CHD1: variants seen among roughly 807,000 people sequenced by gnomAD.
The protein encoded by CHD1 is ATP-dependent chromatin remodeler CHD1.
In CHD1, 36 loss-of-function variants were observed where a neutral mutation model predicts 224.2. The observed-to-expected ratio is 0.16, with a 90% CI of 0.12 to 0.21. The LOEUF (loss-of-function observed/expected upper bound fraction) is 0.21, where lower values mean the gene tolerates loss of function less well. Among genes scored for constraint, CHD1 ranks in the 10% least tolerant of loss-of-function variants. The pLI is 1.00. For missense variants in CHD1, 1,378 were observed against 1,994.8 expected (o/e 0.69, Z 5.89); for synonymous variants, 668 against 658.3 (o/e 1.01, Z -0.23).
At chr5:98,879,260 A>C (rs1399053897) in intron 23 of CHD1, among the ~76,000 whole-genome samples, 4 of 152,166 alleles carry the variant, frequency 2.6e-5, no homozygotes, top group African/African-American at 9.7e-5. Context: ...GAAAAGAAAG[A>C]AAACAGCAAA....
Position 98,872,174 on chromosome 5 carries a change from T to G in CHD1, c.3738A>C (p.Ala1246=), listed in dbSNP as rs1163184255. 3 of 1,613,812 alleles carry G rather than the reference T, an allele frequency of 1.9e-6. No homozygotes were observed. In the South Asian group the frequency reaches 3.3e-5, roughly 18 times the overall value. Residue 1246 remains alanine (A), a synonymous_variant, in exon 28 of 36, where the codon GCA becomes GCC. Coordinates refer to ENST00000614616, the MANE Select transcript of CHD1 (RefSeq NM_001270.4). ...KQYTIPCHTK[A]AHFDIDWGKE... is the part of the protein sequence containing the mutation. ...TGCCCCAGTCTATATCAAAATGAGC[T>G]GCCTTTGTGTGGCATGGGATAGTAT...
intron 23 of CHD1, among the ~76,000 whole-genome samples, chr5:98,877,500 A>C (rs1028875731): frequency 2.6e-5 from 4 of 152,198 alleles, no homozygotes; most frequent in Non-Finnish European, 4.4e-5. Context: ...TATTTGAAAG[A>C]AAAAAATGCC....
chr5:98,901,089 A>C lies in CHD1; in HGVS notation c.588-7T>G, dbSNP rs781236537. ...TCCATTTTTTGACTTAGATCTAGGA[A>C]AGTGCAAAGAGAAAAAAAAACAAGA... On this transcript the variant is annotated splice_region_variant and splice_polypyrimidine_tract_variant and intron_variant, in intron 6 of 35. Transcript: ENST00000614616. 1 of 1,576,512 alleles carries C rather than the reference A, an allele frequency of 6.3e-7. No individual in the cohort carries two copies. Among genetic ancestry groups the C allele is most frequent in the Admixed American group, 2.0e-5 (1 of 50,710 alleles).
intron 14 of CHD1, among the ~76,000 whole-genome samples, chr5:98,892,955 A>G (rs796543148): frequency 2.0e-5 from 3 of 152,276 alleles, no homozygotes; most frequent in African/African-American, 7.2e-5. Context: ...ATTTTGAAGT[A>G]TGGGAGTAAT....
Position 98,862,089 on chromosome 5 carries a change from G to A in CHD1, c.4427+1319C>T, listed in dbSNP as rs534481451. On this transcript the variant is annotated intron_variant, in intron 32 of 35. Coordinates refer to ENST00000614616, the MANE Select transcript of CHD1 (RefSeq NM_001270.4). ...GAAGGATAGCTTGAGCCCAGGAGGC[G>A]GAGGATGCAGCGAGCTGAGATTCGC... 1.2e-4 allele frequency among the ~76,000 whole-genome samples: 19 copies of A among 152,196 alleles called. No homozygotes were observed. In the East Asian group the frequency reaches 1.5e-3, roughly 12 times the overall value.
rs1748005349 is a variant in CHD1, at chr5:98,856,169, C to A, written c.*211G>T. The A allele has an allele frequency of 2.5e-6, 1 of 405,432 alleles. No individual in the cohort carries two copies. The highest frequency in any genetic ancestry group is 4.5e-6 in the Non-Finnish European group (1 of 224,340). 25.1% of individuals were successfully genotyped at this position (405,432 alleles called of 1,614,324 possible). On this transcript the variant is annotated 3_prime_UTR_variant, in exon 36 of 36. Transcript: ENST00000614616. The stretch of plus-strand genomic sequence containing the variant: ...AAAAAGAAAACAAAAAAAAGTACTA[C>A]AATTTTGTAGTACAGTGCAGCATAA...
chr5:98,913,206 C>T (rs2112597549), intron 2 of CHD1, among the ~76,000 whole-genome samples: 1 of 152,254 alleles, frequency 6.6e-6, no homozygotes, highest in South Asian at 2.1e-4. Context: ...CATGGTGGCT[C>T]ACACCTGTAA....
At chr5:98,891,998 C>A (rs1001621760) in intron 15 of CHD1, among the ~76,000 whole-genome samples, 17 of 152,092 alleles carry the variant, frequency 1.1e-4, no homozygotes, top group Admixed American at 5.9e-4. Context: ...TTCTGAAACT[C>A]CAAATGCATG....
chr5:98,900,882 A>G lies in CHD1; in HGVS notation c.788T>C (p.Val263Ala), dbSNP rs757159576. Residue 263 changes from valine to alanine, a missense_variant, in exon 7 of 36, where the codon GTT becomes GCT. Transcript: ENST00000614616. ...DDLLEVCGED[V>A]PQPEEEEFET... is the part of the protein sequence containing the mutation. ...AAATTCCTCTTCCTCAGGTTGAGGA[A>G]CATCCTCTCCACAGACTTCCAGTAG... 29 of 1,613,892 alleles carry G rather than the reference A, an allele frequency of 1.8e-5. No homozygotes were observed. Among genetic ancestry groups the G allele is most frequent in the Non-Finnish European group, 2.5e-5 (29 of 1,179,762 alleles).
chr5:98,889,286 G>C lies in CHD1; in HGVS notation c.2181-48C>G, dbSNP rs143944124. On this transcript the variant is annotated intron_variant, in intron 15 of 35. Transcript: ENST00000614616. ...ACGATGTTTAGCAGAACAATTACCA[G>C]GATAAATTCTAAAAGCATTAAAACA... 95 of 1,346,380 alleles carry C rather than the reference G, an allele frequency of 7.1e-5. 1 individual carries two copies. The Admixed American group carries it at 2.2e-3, about 31-fold the overall frequency. The allele number at this position is 1,346,380 out of a possible 1,614,324, so 83.4% of individuals were successfully genotyped here. A position where few individuals can be genotyped will look rare whatever the true frequency, so the allele number is the denominator to read the frequency against.
chr5:98,876,678 C>G, intron 23 of CHD1, 120 bp from the exon 24 acceptor site: 1 of 820,368 alleles, frequency 1.2e-6, no homozygotes, highest in Non-Finnish European at 1.9e-6. Flanking sequence ...CAAAAACATT[C>G]CATAAACAAA....
At chr5:98,888,970 G>C (rs1442507729) in intron 16 of CHD1, 106 bp downstream of exon 16, 1 of 637,328 alleles carries the variant, frequency 1.6e-6, no homozygotes, top group Admixed American at 3.3e-5. Flanking sequence ...ATTAACTAAA[G>C]AGAACTTTTA....
At chr5:98,874,933 T>C in intron 25 of CHD1, 139 bp downstream of exon 25, 1 of 567,622 alleles carries the variant, frequency 1.8e-6, no homozygotes, top group East Asian at 3.2e-5. Flanking sequence ...AATCTGAAAT[T>C]TCCCTTGTAC....
At position 98,855,457 on chromosome 5, in the gene CHD1, A is replaced by G. The variant is rs1747952704; in HGVS notation, c.*923T>C. 6.6e-6 allele frequency: 1 copy of G among 152,468 alleles called. No individual in the cohort carries two copies. The allele number at this position is 152,468 out of a possible 1,614,324, so 9.4% of individuals were successfully genotyped here. Reference sequence around the variant, plus strand: ...ATGCATCTGAAAAAAGTGTTTCCAGAGCATGCAGTTTAGATTTTACATATC... The same window carrying G: ...ATGCATCTGAAAAAAGTGTTTCCAGGGCATGCAGTTTAGATTTTACATATC... On this transcript the variant is annotated 3_prime_UTR_variant, in exon 36 of 36. Coordinates refer to ENST00000614616, the MANE Select transcript of CHD1 (RefSeq NM_001270.4).
intron 7 of CHD1, among the ~76,000 whole-genome samples, chr5:98,900,436 T>A (rs1365457542): frequency 2.6e-5 from 4 of 151,320 alleles, no homozygotes; most frequent in Admixed American, 2.0e-4. Context: ...TCTTAAATAC[T>A]TTACCTTTTT....
intron 5 of CHD1, 152 bp downstream of exon 5, chr5:98,902,748 A>G (rs764471771): frequency 1.2e-4 from 59 of 503,168 alleles, no homozygotes; most frequent in Non-Finnish European, 1.9e-4. Context: ...ATTTATCTTT[A>G]AATTGTGTAA....
chr5:98,926,666 T>C (rs1753476686), intron 1 of CHD1, 132 bp from the exon 2 acceptor site: 1 of 215,916 alleles, frequency 4.6e-6, no homozygotes, highest in South Asian at 1.6e-4. Context: ...GGGCCTTTTA[T>C]TAAATACTTA....
intron 17 of CHD1, chr5:98,885,894 C>T: frequency 2.4e-6 from 1 of 420,484 alleles, no homozygotes; most frequent in Non-Finnish European, 4.2e-6. Context: ...CCTGAGTCCC[C>T]ATTCTAAAAG....
chr5:98,908,938 T>C (rs750571859), intron 2 of CHD1, among the ~76,000 whole-genome samples: 2 of 152,142 alleles, frequency 1.3e-5, no homozygotes, highest in Non-Finnish European at 2.9e-5. Context: ...AAAGATAAAA[T>C]AGTAATTCAA....
Sources: allele counts gnomAD v4.1 joint callset (sites outside exome capture counted in the v4.1 genomes callset), GRCh38; gene constraint gnomAD v4.1.1; transcripts MANE v1.5; gene names NCBI Gene and HGNC (gene_info 2026-07-23, HGNC 2026-07-21).